TAFA2: variants seen among roughly 807,000 people sequenced by gnomAD.
The protein encoded by TAFA2 is TAFA chemokine like family member 2, also known as chemokine-like protein TAFA-2.
In TAFA2, 7 loss-of-function variants were observed where a neutral mutation model predicts 18.8. The observed-to-expected ratio is 0.37, with a 90% CI of 0.21 to 0.70. The LOEUF (loss-of-function observed/expected upper bound fraction) is 0.70. TAFA2 is among the 30% of genes least tolerant of loss of function. TAFA2 has a pLI of 0.53. For missense variants in TAFA2, 122 were observed against 158.1 expected, an observed-to-expected ratio of 0.77 and a Z score of 1.23; for synonymous variants, 60 against 54.2, an observed-to-expected ratio of 1.11 and a Z score of -0.47.
At chr12:61,983,572 T>G (rs1448523786) in intron 1 of TAFA2, among the ~76,000 whole-genome samples, 2 of 152,172 alleles carry the variant, frequency 1.3e-5, no homozygotes, top group East Asian at 3.9e-4. Flanking sequence ...CACGCCCAGA[T>G]AGTTTTTGTA....
chr12:61,982,727 CA>C (rs1879679629), intron 1 of TAFA2, among the ~76,000 whole-genome samples: 1 of 152,010 alleles, frequency 6.6e-6, no homozygotes, highest in Admixed American at 6.6e-5. Context: ...AGATCATCCT[CA>C]AACATATTCA....
At chr12:62,141,066 C>A (rs1339649995) in intron 1 of TAFA2, among the ~76,000 whole-genome samples, 1 of 152,154 alleles carries the variant, frequency 6.6e-6, no homozygotes, top group Non-Finnish European at 1.5e-5. Flanking sequence ...ATTTCTTTAT[C>A]CTCATTTTAC....
intron 2 of TAFA2, among the ~76,000 whole-genome samples, chr12:61,825,219 G>A (rs1385968110): frequency 6.6e-6 from 1 of 152,110 alleles, no homozygotes; most frequent in East Asian, 1.9e-4. Context: ...GCCTGAACTA[G>A]GCTGGAATGG....
chr12:61,788,117 TATA>T (rs1870814795), intron 2 of TAFA2, among the ~76,000 whole-genome samples: 1 of 151,710 alleles, frequency 6.6e-6, no homozygotes, highest in Admixed American at 6.6e-5. Flanking sequence ...AATGTCATTA[TATA>T]ATGATAGAAA....
At chr12:61,726,845 TATA>T (rs1870192152) in intron 4 of TAFA2, among the ~76,000 whole-genome samples, 1 of 152,116 alleles carries the variant, frequency 6.6e-6, no homozygotes, top group African/African-American at 2.4e-5. Context: ...CCCTGTTCAG[TATA>T]ATGTTGGCTG....
chr12:62,205,682 A>G (rs2062688901), intron 1 of TAFA2, among the ~76,000 whole-genome samples: 3 of 152,180 alleles, frequency 2.0e-5, no homozygotes, highest in Admixed American at 2.0e-4. Flanking sequence ...CCCTGGCATC[A>G]GCAGGGGAAA....
At chr12:61,904,495 A>G (rs1011146893) in intron 1 of TAFA2, among the ~76,000 whole-genome samples, 1 of 152,154 alleles carries the variant, frequency 6.6e-6, no homozygotes, top group African/African-American at 2.4e-5. Flanking sequence ...GGTAGGTGCT[A>G]GGGCTCTAAA....
intron 2 of TAFA2, among the ~76,000 whole-genome samples, chr12:61,859,129 G>T (rs1039051709): frequency 2.0e-5 from 3 of 152,244 alleles, no homozygotes; most frequent in African/African-American, 7.2e-5. Flanking sequence ...AGTTAAGCAT[G>T]GTTAGGAAGG....
At chr12:61,932,436 A>G (rs181109613) in intron 1 of TAFA2, among the ~76,000 whole-genome samples, 172 of 152,288 alleles carry the variant, frequency 1.1e-3, no homozygotes, top group African/African-American at 3.9e-3. Flanking sequence ...GAGAGGCATA[A>G]TATCATCCAC....
chr12:61,824,484 C>T (rs1449559887), intron 2 of TAFA2, among the ~76,000 whole-genome samples: 3 of 152,076 alleles, frequency 2.0e-5, no homozygotes, highest in Non-Finnish European at 4.4e-5. Context: ...GTGCCATACA[C>T]TTAGGCAGTA....
At chr12:62,157,712 C>T (rs538051515) in intron 1 of TAFA2, among the ~76,000 whole-genome samples, 3 of 152,294 alleles carry the variant, frequency 2.0e-5, no homozygotes, top group Non-Finnish European at 4.4e-5. Flanking sequence ...CTGTGACCAT[C>T]CTGACTAAAG....
chr12:61,927,055 C>A (rs1877329366), intron 1 of TAFA2, among the ~76,000 whole-genome samples: 1 of 109,092 alleles, frequency 9.2e-6, no homozygotes, highest in Non-Finnish European at 1.7e-5. Flanking sequence ...AACCTGGTGA[C>A]AGAGTGAGAC....
At chr12:61,992,098 T>C (rs994485755) in intron 1 of TAFA2, among the ~76,000 whole-genome samples, 1 of 152,164 alleles carries the variant, frequency 6.6e-6, no homozygotes, top group African/African-American at 2.4e-5. Flanking sequence ...TATTATGCAG[T>C]CTTAAAAAAT....
chr12:62,146,954 G>A (rs2062285854), intron 1 of TAFA2, among the ~76,000 whole-genome samples: 1 of 151,714 alleles, frequency 6.6e-6, no homozygotes, highest in Non-Finnish European at 1.5e-5. Context: ...CACTAATACT[G>A]GTATAAAAAT....
intron 2 of TAFA2, among the ~76,000 whole-genome samples, chr12:61,814,549 C>G (rs1449633407): frequency 6.6e-6 from 1 of 151,264 alleles, no homozygotes; most frequent in Non-Finnish European, 1.5e-5. Context: ...AGAGTAGGAG[C>G]AAGAAACACA....
At chr12:62,064,662 T>C (rs1298346563) in intron 1 of TAFA2, among the ~76,000 whole-genome samples, 1 of 152,122 alleles carries the variant, frequency 6.6e-6, no homozygotes, top group Non-Finnish European at 1.5e-5. Flanking sequence ...TCAATATCAT[T>C]AAATGTTTCA....
chr12:62,092,916 T>A (rs1437244779), intron 1 of TAFA2, among the ~76,000 whole-genome samples: 2 of 152,026 alleles, frequency 1.3e-5, no homozygotes, highest in Non-Finnish European at 2.9e-5. Flanking sequence ...TTTAAACCAT[T>A]ACAATTAAGT....
chr12:61,771,861 A>G (rs1254368228), intron 2 of TAFA2, among the ~76,000 whole-genome samples: 2 of 151,564 alleles, frequency 1.3e-5, no homozygotes, highest in Non-Finnish European at 2.9e-5. Flanking sequence ...ACCCAACAGA[A>G]GAAAAAAAAA....
Position 61,724,751 on chromosome 12 carries a change from A to ATGTGTGTG in TAFA2, c.385-14342_385-14335dup, listed in dbSNP as rs71083953. Among the ~76,000 whole-genome samples, 926 of 114,644 alleles carry ATGTGTGTG rather than the reference A, an allele frequency of 8.1e-3. 9 individuals carry two copies. Among genetic ancestry groups the ATGTGTGTG allele is most frequent in the East Asian group, 0.016 (59 of 3,614 alleles). 75.2% of individuals were successfully genotyped at this position (114,644 alleles called of 152,430 possible). ...CTGAGTAGTATTCCATGGTATGTCT[A>ATGTGTGTG]TGTGTGTGTGTGTGTGTGTGTGTGT... On this transcript the variant is annotated intron_variant, in intron 4 of 4. Transcript: ENST00000416284.
Sources: gnomAD v4.1 joint callset for allele counts (sites outside exome capture counted in the v4.1 genomes callset) on GRCh38, gnomAD v4.1.1 for gene constraint, MANE v1.5 for transcripts, NCBI Gene and HGNC (gene_info 2026-07-23, HGNC 2026-07-21) for gene names.